The following CDC42EP5 variants were observed in gnomAD, a reference collection of about 807,000 sequenced individuals.
The protein encoded by CDC42EP5 is CDC42 effector protein 5.
For missense variants in CDC42EP5, 269 were observed against 238.0 expected, an observed-to-expected ratio of 1.13 and a Z score of -0.86; for synonymous variants, 118 against 123.3, an observed-to-expected ratio of 0.96 and a Z score of 0.28.
intron 2 of CDC42EP5, among the ~76,000 whole-genome samples, chr19:54,465,862 T>C (rs2123285760): frequency 6.6e-6 from 1 of 152,090 alleles, no homozygotes; most frequent in South Asian, 2.1e-4. Context: ...CTTGAACTCC[T>C]GACCTCAGGT....
At chr19:54,469,247 G>T (rs1322057664) in intron 2 of CDC42EP5, among the ~76,000 whole-genome samples, 1 of 151,984 alleles carries the variant, frequency 6.6e-6, no homozygotes, top group Admixed American at 6.6e-5. Flanking sequence ...GCCCACCTCG[G>T]CCTCCCAAAG....
At chr19:54,467,463 TA>T in intron 2 of CDC42EP5, among the ~76,000 whole-genome samples, 1 of 149,214 alleles carries the variant, frequency 6.7e-6, no homozygotes, top group Non-Finnish European at 1.5e-5. Flanking sequence ...AAAAAAAAAA[TA>T]AAAAGCCCTA....
chr19:54,465,541 C>T lies in CDC42EP5; in HGVS notation c.7G>A (p.Val3Met). The change falls in exon 3 of 3, where the codon GTG becomes ATG. Residue 3 changes from valine (V) to methionine (M), a missense_variant. Val to Met is a conservative substitution (Grantham distance 21). Coordinates refer to ENST00000301200, the MANE Select transcript of CDC42EP5 (RefSeq NM_145057.4). The stretch of plus-strand genomic sequence containing the variant: ...TGCGCGGGGCCCAGCTGCTTCAGCA[C>T]GGGCATCTGCGAGGGGCACGGGAGG... MP[V>M]LKQLGPAQPK... 1.3e-6 allele frequency: 2 copies of T among 1,528,822 alleles called. No individual in the cohort carries two copies. The highest frequency in any genetic ancestry group is 1.2e-5 in the South Asian group (1 of 83,664). The allele number at this position is 1,528,822 out of a possible 1,614,324, so 94.7% of individuals were successfully genotyped here.
At position 54,465,144 on chromosome 19, in the gene CDC42EP5, C is replaced by T. The variant is rs1450241496; in HGVS notation, c.404G>A (p.Arg135His). Residue 135 changes from arginine to histidine, a missense_variant, in exon 3 of 3, where the codon CGC becomes CAC. Physicochemically the swap from Arg to His is conservative, Grantham distance 29. Coordinates refer to ENST00000301200, the MANE Select transcript of CDC42EP5 (RefSeq NM_145057.4). ...GTTCAGCTCGAGGTCCGCGTTGGGG[C>T]GGCAGCGGGCCTGGGGGGGCTGCGT... ...PGTQPPQARC[R>H]PNADLELNDV... is the part of the protein sequence containing the mutation. 7.2e-7 allele frequency: 1 copy of T among 1,396,304 alleles called. No individual in the cohort carries two copies. Among genetic ancestry groups the T allele is most frequent in the South Asian group, 1.6e-5 (1 of 61,044 alleles). 86.5% of individuals were successfully genotyped at this position (1,396,304 alleles called of 1,614,324 possible). A position where few individuals can be genotyped will look rare whatever the true frequency, so the allele number is the denominator to read the frequency against.
At chr19:54,472,478 C>T (rs1408466103) in intron 1 of CDC42EP5, among the ~76,000 whole-genome samples, 1 of 89,656 alleles carries the variant, frequency 1.1e-5, no homozygotes, top group Non-Finnish European at 2.2e-5. Context: ...CCCAGCCCCT[C>T]CTCCCTCAGA....
At chr19:54,471,176 G>A (rs1171473677) in intron 2 of CDC42EP5, among the ~76,000 whole-genome samples, 2 of 152,210 alleles carry the variant, frequency 1.3e-5, no homozygotes, top group African/African-American at 4.8e-5. Context: ...AGCGGGGCGC[G>A]ACCGTGGAGC....
chr19:54,465,241 C>G lies in CDC42EP5; in HGVS notation c.307G>C (p.Val103Leu). Reference protein sequence around the residue: ...LDLGPSMLDAVLGVMDAARPE... With the variant: ...LDLGPSMLDALLGVMDAARPE... ...CGCGCCGCGTCCATGACGCCCAGCA[C>G]CGCGTCCAGCATGGAGGGCCCCAGA... The change falls in exon 3 of 3, where the codon GTG (valine) becomes CTG (leucine). Residue 103 changes from valine (V) to leucine (L), a missense_variant. Coordinates refer to ENST00000301200, the MANE Select transcript of CDC42EP5 (RefSeq NM_145057.4). The G allele has an allele frequency of 7.0e-7, 1 of 1,431,580 alleles. No homozygotes were observed. Among genetic ancestry groups the G allele is most frequent in the South Asian group, 1.4e-5 (1 of 70,210 alleles). 88.7% of individuals were successfully genotyped at this position (1,431,580 alleles called of 1,614,324 possible).
At chr19:54,465,610 C>T (rs976643205) in intron 2 of CDC42EP5, 63 bp from the exon 3 acceptor site, 3 of 1,378,948 alleles carry the variant, frequency 2.2e-6, no homozygotes, top group Non-Finnish European at 2.8e-6. Flanking sequence ...CGCGACTGCT[C>T]AAAGGACGAT....
intron 2 of CDC42EP5, among the ~76,000 whole-genome samples, chr19:54,468,198 T>A (rs2084781291): frequency 6.6e-6 from 1 of 152,138 alleles, no homozygotes; most frequent in African/African-American, 2.4e-5. Flanking sequence ...AAAAATTAGG[T>A]TGGATAGAAC....
At chr19:54,466,709 A>G (rs2084759279) in intron 2 of CDC42EP5, among the ~76,000 whole-genome samples, 2 of 152,238 alleles carry the variant, frequency 1.3e-5, no homozygotes, top group South Asian at 4.1e-4. Context: ...ATAAAAAATG[A>G]GTACAAGTTT....
At chr19:54,468,367 AC>A (rs1878118643) in intron 2 of CDC42EP5, among the ~76,000 whole-genome samples, 3 of 151,904 alleles carry the variant, frequency 2.0e-5, no homozygotes, top group Admixed American at 2.0e-4. Context: ...ACACACACAC[AC>A]ACACACACAC....
rs776792191 is a variant in CDC42EP5 at position 54,465,585 on chromosome 19, C to T, written c.1-38G>A. Reference sequence around the variant, plus strand: ...CGGGAGGGTCAGCGCGGCCCCAGCCCGGGGCTCGCAGCCACGCGACTGCTC... The same window carrying T: ...CGGGAGGGTCAGCGCGGCCCCAGCCTGGGGCTCGCAGCCACGCGACTGCTC... On this transcript the variant is annotated intron_variant, in intron 2 of 2. Coordinates refer to ENST00000301200, the MANE Select transcript of CDC42EP5 (RefSeq NM_145057.4). 166 of 1,419,144 alleles carry T rather than the reference C, an allele frequency of 1.2e-4. No homozygotes were observed. In the African/African-American group the frequency reaches 2.1e-3, roughly 18 times the overall value. The allele number at this position is 1,419,144 out of a possible 1,614,324, so 87.9% of individuals were successfully genotyped here. A position where few individuals can be genotyped will look rare whatever the true frequency, so the allele number is the denominator to read the frequency against.
intron 2 of CDC42EP5, among the ~76,000 whole-genome samples, chr19:54,470,467 GAGAA>G (rs149547888): frequency 0.081 from 11,564 of 143,270 alleles, 915 homozygotes; most frequent in African/African-American, 0.21. Context: ...AGGAAGGAAA[GAGAA>G]AGAAAGAGAA....
At chr19:54,471,939 G>A (rs2084843300) in intron 1 of CDC42EP5, among the ~76,000 whole-genome samples, 1 of 39,940 alleles carries the variant, frequency 2.5e-5, no homozygotes, top group Non-Finnish European at 4.4e-5. Context: ...AGACCCAGGA[G>A]TCCAGACCCC....
chr19:54,468,135 T>C (rs906391731), intron 2 of CDC42EP5, among the ~76,000 whole-genome samples: 1 of 152,172 alleles, frequency 6.6e-6, no homozygotes, highest in African/African-American at 2.4e-5. Flanking sequence ...TGCTAACCAA[T>C]GGGTAATGCT....
intron 2 of CDC42EP5, among the ~76,000 whole-genome samples, chr19:54,465,858 C>G (rs917923332): frequency 2.0e-5 from 3 of 151,984 alleles, no homozygotes; most frequent in African/African-American, 4.8e-5. Flanking sequence ...TGGTCTTGAA[C>G]TCCTGACCTC....
intron 2 of CDC42EP5, among the ~76,000 whole-genome samples, chr19:54,468,458 C>A (rs2084784981): frequency 6.6e-6 from 1 of 152,040 alleles, no homozygotes; most frequent in African/African-American, 2.4e-5. Flanking sequence ...TGACCTCAAC[C>A]TAGATGAATA....
chr19:54,470,519 AAAG>A (rs1280702137), intron 2 of CDC42EP5, among the ~76,000 whole-genome samples: 1 of 138,058 alleles, frequency 7.2e-6, no homozygotes, highest in African/African-American at 3.1e-5. Flanking sequence ...GAAAGAAAGG[AAAG>A]AAGGAAGGAA....
At chr19:54,469,549 T>C (rs1263561230) in intron 2 of CDC42EP5, among the ~76,000 whole-genome samples, 1 of 152,208 alleles carries the variant, frequency 6.6e-6, no homozygotes. Flanking sequence ...CTGACCTCAT[T>C]TCCTTATCTT....
Sources: allele counts gnomAD v4.1 joint callset (sites outside exome capture counted in the v4.1 genomes callset), GRCh38; gene constraint gnomAD v4.1.1; transcripts MANE v1.5; gene names NCBI Gene and HGNC (gene_info 2026-07-23, HGNC 2026-07-21).